Variants in RBFOX1 observed in about 807,000 individuals in gnomAD.
The protein encoded by RBFOX1 is RNA binding protein fox-1 homolog 1.
In RBFOX1, 8 loss-of-function variants were observed where a neutral mutation model predicts 57.7. The observed-to-expected ratio is 0.14, with a 90% CI of 0.08 to 0.25. RBFOX1 has a LOEUF of 0.25. RBFOX1 is among the 10% of genes least tolerant of loss of function. The pLI is 1.00. For missense variants in RBFOX1, 611 were observed against 548.5 expected (o/e 1.11, Z -1.14); for synonymous variants, 326 against 222.4 (o/e 1.47, Z -4.15).
At chr16:7,480,673 A>G (rs139258319) in intron 4 of RBFOX1, among the ~76,000 whole-genome samples, 8 of 152,274 alleles carry the variant, frequency 5.3e-5, no homozygotes, top group Admixed American at 2.0e-4. Context: ...AGAGCTGTGT[A>G]TGGAGCTGGA....
At chr16:5,601,614 A>T (rs1049106213), downstream of RBFOX1, 1 of 152,208 alleles carries the variant, frequency 6.6e-6, no homozygotes, top group Non-Finnish European at 1.5e-5. Flanking sequence ...TAATCTTGAA[A>T]TAACTATGTC....
chr16:5,860,655 G>A (rs2151885623), intron 3 of RBFOX1, among the ~76,000 whole-genome samples: 1 of 152,278 alleles, frequency 6.6e-6, no homozygotes, highest in East Asian at 1.9e-4. Flanking sequence ...CCTCCCCAGG[G>A]CTAAAAGAGG....
chr16:7,180,673 C>T (rs900939339), intron 4 of RBFOX1, among the ~76,000 whole-genome samples: 2 of 150,556 alleles, frequency 1.3e-5, no homozygotes, highest in African/African-American at 4.9e-5. Context: ...TTAGCTTCCT[C>T]TGCACTCCCC....
intron 4 of RBFOX1, among the ~76,000 whole-genome samples, chr16:7,510,719 A>G (rs2074852553): frequency 6.6e-6 from 1 of 152,138 alleles, no homozygotes; most frequent in South Asian, 2.1e-4. Context: ...GGTGTAGACC[A>G]TGCTCCTAAA....
chr16:5,345,421 C>T (rs2065119689), intron 1 of RBFOX1, among the ~76,000 whole-genome samples: 1 of 152,214 alleles, frequency 6.6e-6, no homozygotes, highest in Non-Finnish European at 1.5e-5. Flanking sequence ...GCATGCCCAC[C>T]CATGCAGACA....
At chr16:6,941,983 C>G (rs1019280190) in intron 3 of RBFOX1, among the ~76,000 whole-genome samples, 34 of 152,208 alleles carry the variant, frequency 2.2e-4, no homozygotes, top group African/African-American at 7.9e-4. Flanking sequence ...AATCCCAGCA[C>G]TTTACCAGGC....
At chr16:5,781,935 G>C (rs769301889) in intron 3 of RBFOX1, among the ~76,000 whole-genome samples, 1 of 152,232 alleles carries the variant, frequency 6.6e-6, no homozygotes, top group South Asian at 2.1e-4. Context: ...GCCAGGCGTG[G>C]TGGTTCATGC....
chr16:5,991,430 C>T (rs1204536480), intron 4 of RBFOX1, among the ~76,000 whole-genome samples: 1 of 152,182 alleles, frequency 6.6e-6, no homozygotes, highest in Non-Finnish European at 1.5e-5. Context: ...ATCATCGTCA[C>T]TGCAGCTTTG....
intron 1 of RBFOX1, among the ~76,000 whole-genome samples, chr16:6,197,254 T>G (rs1406142218): frequency 3.9e-5 from 6 of 152,166 alleles, no homozygotes; most frequent in African/African-American, 1.4e-4. Flanking sequence ...AAACTGAGAT[T>G]TCTAGTTCCA....
intron 1 of RBFOX1, among the ~76,000 whole-genome samples, chr16:5,414,030 G>A (rs1416506129): frequency 6.6e-6 from 1 of 152,202 alleles, no homozygotes; most frequent in Non-Finnish European, 1.5e-5. Flanking sequence ...TCTACTGCAG[G>A]GAGATAAAGA....
intron 3 of RBFOX1, among the ~76,000 whole-genome samples, chr16:7,043,636 A>C (rs1320668120): frequency 2.6e-5 from 4 of 152,234 alleles, no homozygotes; most frequent in Non-Finnish European, 5.9e-5. Context: ...TTTTCCTTCT[A>C]AGTGATTCAT....
intron 3 of RBFOX1, among the ~76,000 whole-genome samples, chr16:6,936,195 C>G (rs1033770752): frequency 1.3e-5 from 2 of 152,028 alleles, no homozygotes; most frequent in African/African-American, 4.8e-5. Flanking sequence ...AAGGATATTA[C>G]CTTAAGGATA....
intron 1 of RBFOX1, among the ~76,000 whole-genome samples, chr16:6,201,065 T>G (rs2097211967): frequency 6.6e-6 from 1 of 152,152 alleles, no homozygotes; most frequent in Non-Finnish European, 1.5e-5. Flanking sequence ...TATTTGTCTT[T>G]CTGTGTCTGG....
intron 4 of RBFOX1, among the ~76,000 whole-genome samples, chr16:7,384,742 A>G (rs966647929): frequency 1.3e-5 from 2 of 152,196 alleles, no homozygotes; most frequent in African/African-American, 4.8e-5. Flanking sequence ...TGAGTCTCTC[A>G]TTCACTCAAC....
At chr16:6,833,707 G>A (rs2092880779) in intron 3 of RBFOX1, among the ~76,000 whole-genome samples, 1 of 152,176 alleles carries the variant, frequency 6.6e-6, no homozygotes, top group African/African-American at 2.4e-5. Context: ...TGTGACCAGA[G>A]AAAGACTCTA....
chr16:7,575,326 G>C (rs1465174664), intron 5 of RBFOX1, among the ~76,000 whole-genome samples: 1 of 152,010 alleles, frequency 6.6e-6, no homozygotes, highest in Non-Finnish European at 1.5e-5. Flanking sequence ...GTAGAGACGG[G>C]GTTTCACCAT....
At chr16:6,140,769 C>G (rs1170438791) in intron 1 of RBFOX1, among the ~76,000 whole-genome samples, 1 of 152,178 alleles carries the variant, frequency 6.6e-6, no homozygotes, top group Non-Finnish European at 1.5e-5. Context: ...ATAAGCAAAA[C>G]ATCTTTAGCA....
rs200763144 is a variant in RBFOX1 at position 7,678,933 on chromosome 16, CAACT to C, written c.995+2102_995+2105del. On this transcript the variant is annotated intron_variant, in intron 14 of 15. Transcript: ENST00000550418. Reference sequence around the variant, plus strand: ...GTACCATAGTTTCAGTTGAAGAAACCAACTAACTAATACTGTTGTCCATATAATT... The same window carrying C: ...GTACCATAGTTTCAGTTGAAGAAACCAACTAATACTGTTGTCCATATAATT... 2.3e-3 allele frequency among the ~76,000 whole-genome samples: 347 copies of C among 152,220 alleles called. 1 individual carries two copies. The highest frequency in any genetic ancestry group is 7.6e-3 in the African/African-American group (317 of 41,542).
chr16:7,412,197 A>T (rs1195304262), intron 4 of RBFOX1, among the ~76,000 whole-genome samples: 1 of 151,932 alleles, frequency 6.6e-6, no homozygotes, highest in Admixed American at 6.6e-5. Context: ...ACTTTGGAGG[A>T]CTACCTGAGG....
Sources: allele counts gnomAD v4.1 joint callset (sites outside exome capture counted in the v4.1 genomes callset), GRCh38; gene constraint gnomAD v4.1.1; transcripts MANE v1.5; gene names NCBI Gene and HGNC (gene_info 2026-07-23, HGNC 2026-07-21).